Variants in DNA2 observed in about 807,000 individuals in gnomAD.
DNA2 encodes the protein DNA replication helicase/nuclease 2.
Under a neutral mutation model 119.1 loss-of-function variants are expected in DNA2, and 101 were observed. The observed-to-expected ratio is 0.85, with a 90% CI of 0.72 to 1.00. The LOEUF (loss-of-function observed/expected upper bound fraction) is 1.00, where lower values mean the gene tolerates loss of function less well. Ranked by LOEUF, DNA2 falls within the 50% of genes least tolerant of loss-of-function variation. The pLI is 0.00. For synonymous variants in DNA2, 366 were observed against 424.4 expected, an observed-to-expected ratio of 0.86 and a Z score of 1.69; for missense variants, 1,121 against 1,255.5, an observed-to-expected ratio of 0.89 and a Z score of 1.62.
rs372556003 is a variant in DNA2 at position 68,429,875 on chromosome 10, A to T, written c.2208+561T>A. ...TGTTTCTAATTCAAACTTACTAAAA[A>T]ACCCGGATTTTTTTTTTTTTTTTTT... On this transcript the variant is annotated intron_variant, in intron 14 of 20. Coordinates refer to ENST00000358410, the MANE Select transcript of DNA2 (RefSeq NM_001080449.3). Among the ~76,000 whole-genome samples the T allele has an allele frequency of 7.3e-3, 1,090 of 148,524 alleles. 3 individuals are homozygous for T. Among genetic ancestry groups the T allele is most frequent in the Non-Finnish European group, 0.013 (877 of 67,656 alleles).
chr10:68,468,090 C>A, intron 3 of DNA2, 33 bp downstream of exon 3: 1 of 1,454,138 alleles, frequency 6.9e-7, no homozygotes, highest in Non-Finnish European at 9.2e-7. Flanking sequence ...ACTCTCAGAC[C>A]CTGCAGAAAC....
intron 6 of DNA2, among the ~76,000 whole-genome samples, chr10:68,449,814 G>A (rs548345042): frequency 7.2e-4 from 107 of 149,108 alleles, no homozygotes; most frequent in African/African-American, 2.4e-3. Context: ...TCAGGAGGCT[G>A]AGGCAGGAGA....
intron 14 of DNA2, among the ~76,000 whole-genome samples, chr10:68,425,498 T>C (rs1590050004): frequency 2.0e-5 from 3 of 151,510 alleles, no homozygotes; most frequent in Admixed American, 2.0e-4. Context: ...GCCTCCCCGG[T>C]TCACGCCATT....
rs539959915 is a variant in DNA2 at position 68,432,441 on chromosome 10, A to G, written c.1716T>C (p.Asp572=). ...ATTTGGAAAGATTTCCTAATGGGGT[A>G]TCTATATCACAATTTTTTTCTTCTT... ...LDQEEKNCDI[D]TPLGNLSKLM... Residue 572 remains aspartate, a synonymous_variant, in exon 11 of 21, where the codon GAT becomes GAC. Coordinates refer to ENST00000358410, the MANE Select transcript of DNA2 (RefSeq NM_001080449.3). 3.8e-6 allele frequency: 6 copies of G among 1,597,382 alleles called. No individual in the cohort carries two copies. The highest frequency in any genetic ancestry group is 3.6e-5 in the Admixed American group (2 of 56,118).
chr10:68,445,137 CT>C, intron 7 of DNA2, 54 bp from the exon 8 acceptor site: 1 of 1,469,258 alleles, frequency 6.8e-7, no homozygotes, highest in Non-Finnish European at 9.3e-7. Flanking sequence ...TTTATCATGT[CT>C]TTTTCACTAC....
intron 7 of DNA2, 55 bp from the exon 8 acceptor site, chr10:68,445,138 T>G: frequency 1.4e-6 from 2 of 1,465,930 alleles, no homozygotes; most frequent in Non-Finnish European, 1.9e-6. Flanking sequence ...TTATCATGTC[T>G]TTTTCACTAC....
chr10:68,457,737 G>GAA (rs74318507), intron 5 of DNA2, among the ~76,000 whole-genome samples: 34 of 96,686 alleles, frequency 3.5e-4, no homozygotes, highest in Admixed American at 5.1e-4. Context: ...GCCACTTTGA[G>GAA]AAAAAAAAAA....
In DNA2 at chr10:68,459,083, T is replaced by C. The variant is rs1262387757; in HGVS notation, c.719+21A>G. The C allele has an allele frequency of 5.1e-6, 8 of 1,567,666 alleles. No homozygotes were observed. The South Asian group carries it at 8.4e-5, about 17-fold the overall frequency. On this transcript the variant is annotated intron_variant, in intron 5 of 20. Transcript: ENST00000358410. ...TCTAAAAATATGAAGACTATATATA[T>C]AAACAAAATGTGTTTCTTACAGAGA...
intron 4 of DNA2, among the ~76,000 whole-genome samples, chr10:68,464,848 A>C (rs1417385633): frequency 2.7e-5 from 4 of 149,038 alleles, no homozygotes; most frequent in African/African-American, 4.9e-5. Flanking sequence ...AAAAAAAAAA[A>C]AAAAAAAAAA....
At chr10:68,458,814 A>G (rs560328103) in intron 5 of DNA2, among the ~76,000 whole-genome samples, 1 of 152,246 alleles carries the variant, frequency 6.6e-6, no homozygotes, top group East Asian at 1.9e-4. Context: ...GTGCCACTGT[A>G]TTTCCAGCCT....
At chr10:68,423,297 A>G (rs2051691522) in intron 14 of DNA2, among the ~76,000 whole-genome samples, 1 of 151,924 alleles carries the variant, frequency 6.6e-6, no homozygotes, top group African/African-American at 2.4e-5. Flanking sequence ...AAAAAAAAAA[A>G]ACAAAAGAAG....
intron 4 of DNA2, among the ~76,000 whole-genome samples, chr10:68,463,132 A>G (rs1350490442): frequency 7.0e-6 from 1 of 143,634 alleles, no homozygotes; most frequent in Non-Finnish European, 1.5e-5. Context: ...ATTCAAAAAG[A>G]AAAAAAAAAA....
intron 14 of DNA2, among the ~76,000 whole-genome samples, chr10:68,423,964 A>G: frequency 6.6e-6 from 1 of 152,254 alleles, no homozygotes; most frequent in Non-Finnish European, 1.5e-5. Flanking sequence ...CTCATGTTTC[A>G]ATAAAAAAAT....
intron 14 of DNA2, among the ~76,000 whole-genome samples, chr10:68,426,540 AAAAT>A (rs1199330961): frequency 6.6e-6 from 1 of 151,316 alleles, no homozygotes; most frequent in African/African-American, 2.4e-5. Flanking sequence ...TCTGTCTCAA[AAAAT>A]AAATAAATAG....
Position 68,437,099 on chromosome 10 carries a change from C to T in DNA2, c.1558G>A (p.Val520Ile). ...TNLMAGDRVI[V>I]SGEERSLFAL... The stretch of plus-strand genomic sequence containing the variant: ...AACAGTGACCTTTCTTCTCCACTTA[C>T]AATAACTCTGTCACCTGCCATTAGA... Residue 520 changes from valine (V) to isoleucine (I), a missense_variant, in exon 10 of 21, where the codon GTA becomes ATA. Transcript: ENST00000358410. The T allele has an allele frequency of 2.5e-6, 4 of 1,613,956 alleles. No homozygotes were observed. The South Asian group carries it at 4.4e-5, about 18-fold the overall frequency.
At chr10:68,446,469 C>T (rs2052041841) in intron 6 of DNA2, 56 bp from the exon 7 acceptor site, 2 of 1,067,038 alleles carry the variant, frequency 1.9e-6, no homozygotes, top group African/African-American at 1.6e-5. Flanking sequence ...TATTTCCTTA[C>T]ATTGTCTTGC....
chr10:68,472,003 T>G, upstream of DNA2: 1 of 1,610,038 alleles, frequency 6.2e-7, no homozygotes, highest in Non-Finnish European at 8.5e-7. Flanking sequence ...CCAAATGACC[T>G]GCGCCAGGCC....
intron 4 of DNA2, among the ~76,000 whole-genome samples, chr10:68,460,285 T>A (rs1166947573): frequency 6.6e-6 from 1 of 151,944 alleles, no homozygotes; most frequent in Non-Finnish European, 1.5e-5. Flanking sequence ...TTTTCTGTAT[T>A]TTCAGTAGAG....
chr10:68,450,139 T>G lies in DNA2; in HGVS notation c.828A>C (p.Ile276=), dbSNP rs2133414037. The change falls in exon 6 of 21, where the codon ATA becomes ATC. Residue 276 remains isoleucine, a synonymous_variant. Transcript: ENST00000358410. ...GTATTTTCACACCAACTGTAACATC[T>G]ATTTTGCCTTTCAATCCAAACCTAG... ...WSPRFGLKGK[I]DVTVGVKIHR... is the part of the protein sequence containing the mutation. 6.2e-7 allele frequency: 1 copy of G among 1,608,156 alleles called. No homozygotes were observed. Among genetic ancestry groups the G allele is most frequent in the Non-Finnish European group, 8.5e-7 (1 of 1,176,862 alleles).
Sources: gnomAD v4.1 joint callset for allele counts (sites outside exome capture counted in the v4.1 genomes callset) on GRCh38, gnomAD v4.1.1 for gene constraint, MANE v1.5 for transcripts, NCBI Gene and HGNC (gene_info 2026-07-23, HGNC 2026-07-21) for gene names.